Variants in TRPV4 observed in about 807,000 individuals in gnomAD.
The protein encoded by TRPV4 is transient receptor potential cation channel subfamily V member 4, also known as OSM9-like transient receptor potential channel 4.
Under a neutral mutation model 84.1 loss-of-function variants are expected in TRPV4, and 58 were observed. The observed-to-expected ratio is 0.69, with a 90% CI of 0.56 to 0.86. The LOEUF is 0.86. Ranked by LOEUF, TRPV4 falls within the 40% of genes least tolerant of loss-of-function variation. The pLI, the probability that TRPV4 is intolerant of heterozygous loss-of-function variation, is 0.00. For missense variants in TRPV4, 879 were observed against 1,181.1 expected (o/e 0.74, Z 3.75); for synonymous variants, 489 against 500.9 (o/e 0.98, Z 0.32).
intron 1 of TRPV4, among the ~76,000 whole-genome samples, chr12:109,827,166 TTACGGAGCACCTGCTATG>T (rs1565889537): frequency 6.6e-6 from 1 of 152,194 alleles, no homozygotes; most frequent in Non-Finnish European, 1.5e-5. Context: ...AACAGACAGC[TTACGGAGCACCTGCTATG>T]TGTGGGGTTT....
chr12:109,809,315 A>G (rs374358194), intron 2 of TRPV4, among the ~76,000 whole-genome samples: 72 of 121,052 alleles, frequency 5.9e-4, no homozygotes, highest in African/African-American at 2.2e-3. Flanking sequence ...CCATCCATCC[A>G]TCCCTCATCC....
At chr12:109,827,482 C>T (rs1892286022) in intron 1 of TRPV4, among the ~76,000 whole-genome samples, 1 of 152,014 alleles carries the variant, frequency 6.6e-6, no homozygotes. Context: ...GGTCAGTCAA[C>T]CCCATGCCCC....
At position 109,798,954 on chromosome 12, in the gene TRPV4, C is replaced by G; in HGVS notation, c.854-42G>C. On this transcript the variant is annotated intron_variant, in intron 5 of 15. Transcript: ENST00000261740. The surrounding 1 kb of genome is among the most constrained non-coding windows in gnomAD (Gnocchi z 5.0). ...AGGGTGGGAGGTCAGCGAAGGGGGC[C>G]CAGGGTGGGACTCTGCCTGCAGACA... is the stretch of plus-strand genomic sequence containing the variant. 6.3e-7 allele frequency: 1 copy of G among 1,579,630 alleles called. No homozygotes were observed. The highest frequency in any genetic ancestry group is 1.1e-5 in the South Asian group (1 of 87,756).
intron 1 of TRPV4, among the ~76,000 whole-genome samples, chr12:109,826,868 A>G (rs948022073): frequency 1.3e-5 from 2 of 152,206 alleles, no homozygotes; most frequent in African/African-American, 4.8e-5. Context: ...TGTGGGTATC[A>G]GAGTCTCACA....
intron 12 of TRPV4, 142 bp from the exon 13 acceptor site, chr12:109,788,858 A>T: frequency 1.1e-6 from 1 of 936,266 alleles, no homozygotes; most frequent in Admixed American, 2.1e-5. Flanking sequence ...ATGTCACCCT[A>T]CACATCAGCC....
chr12:109,812,887 T>C (rs773852182), intron 2 of TRPV4, among the ~76,000 whole-genome samples: 6 of 152,150 alleles, frequency 3.9e-5, no homozygotes, highest in Non-Finnish European at 7.3e-5. Context: ...AGTAGATAGA[T>C]ATTTTAATGA....
rs144279220 is a variant in TRPV4 at position 109,808,664 on chromosome 12, T to C, written c.387-196A>G. Among the ~76,000 whole-genome samples, 1,212 of 152,266 alleles carry C rather than the reference T, an allele frequency of 8.0e-3. 23 individuals carry two copies. Among genetic ancestry groups the C allele is most frequent in the African/African-American group, 0.027 (1,139 of 41,514 alleles). ...CAAACTATAGCTAGTACCTACTGTG[T>C]GTTGGGTGGAGACAAACAGAAAGAA... On this transcript the variant is annotated intron_variant, in intron 2 of 15. Transcript: ENST00000261740.
chr12:109,805,545 ACT>A (rs1007451488), intron 3 of TRPV4, among the ~76,000 whole-genome samples: 2 of 151,860 alleles, frequency 1.3e-5, no homozygotes, highest in African/African-American at 2.4e-5. Context: ...AGGTTGTGAA[ACT>A]CTGCGGAGGG....
chr12:109,816,982 G>T (rs1592866704), intron 1 of TRPV4, among the ~76,000 whole-genome samples: 1 of 152,184 alleles, frequency 6.6e-6, no homozygotes, highest in East Asian at 1.9e-4. Flanking sequence ...CTGCCCCGTG[G>T]TTTTCCCACC....
Position 109,798,254 on chromosome 12 carries a change from G to C in TRPV4, c.1152+360C>G, listed in dbSNP as rs550669166. On this transcript the variant is annotated intron_variant, in intron 6 of 15. Transcript: ENST00000261740. This position sits in a 1 kb window ranked among gnomAD's most constrained non-coding sequence, Gnocchi z 5.0. Reference sequence around the variant, plus strand: ...CCCTTCTCCAGGCCCCATGCTGCGCGGCCCAGAAAAGGGAAGGAACTGGGG... The same window carrying C: ...CCCTTCTCCAGGCCCCATGCTGCGCCGCCCAGAAAAGGGAAGGAACTGGGG... 6.6e-6 allele frequency among the ~76,000 whole-genome samples: 1 copy of C among 152,164 alleles called. No homozygotes were observed. The highest frequency in any genetic ancestry group is 1.9e-4 in the East Asian group (1 of 5,194).
intron 1 of TRPV4, among the ~76,000 whole-genome samples, chr12:109,832,936 C>G (rs1274590425): frequency 6.6e-6 from 1 of 152,140 alleles, no homozygotes; most frequent in Non-Finnish European, 1.5e-5. Context: ...CCTTTGGAAG[C>G]TCCAGACTCC....
At chr12:109,785,058 A>G (rs559230695) in intron 14 of TRPV4, among the ~76,000 whole-genome samples, 1 of 152,102 alleles carries the variant, frequency 6.6e-6, no homozygotes, top group African/African-American at 2.4e-5. Context: ...GTCTCACTCC[A>G]TTGCCCAGGC....
At chr12:109,792,542 C>T in intron 11 of TRPV4, 110 bp downstream of exon 11, 1 of 1,572,180 alleles carries the variant, frequency 6.4e-7, no homozygotes, top group South Asian at 1.1e-5. Context: ...ATGCCTCCTG[C>T]CCCCACGGTA....
intron 1 of TRPV4, among the ~76,000 whole-genome samples, chr12:109,832,161 G>C (rs1448059442): frequency 2.6e-5 from 4 of 152,134 alleles, no homozygotes; most frequent in Non-Finnish European, 5.9e-5. Flanking sequence ...AAGGGACCAG[G>C]CCAAGGTCAC....
intron 1 of TRPV4, among the ~76,000 whole-genome samples, chr12:109,827,760 A>G (rs1343484373): frequency 2.0e-5 from 3 of 146,788 alleles, no homozygotes; most frequent in African/African-American, 7.3e-5. Context: ...ACATATACAC[A>G]CATACACACA....
At position 109,793,542 on chromosome 12, in the gene TRPV4, G is replaced by C; in HGVS notation, c.1643C>G (p.Ser548Cys). 1 of 1,614,028 alleles carries C rather than the reference G, an allele frequency of 6.2e-7. No individual in the cohort carries two copies. Among genetic ancestry groups the C allele is most frequent in the Non-Finnish European group, 8.5e-7 (1 of 1,179,982 alleles). ...CTCTACTCACTAGAGCAGCTGGAAG[G>C]AGCCATCAATGAAGAGAGAATTCAC... ...PGVNSLFIDG[S>C]FQLLYFIYSV... Residue 548 changes from serine (S) to cysteine (C), a missense_variant, in exon 10 of 16, where the codon TCC (serine) becomes TGC (cysteine). Transcript: ENST00000261740. This position sits in a 1 kb window ranked among gnomAD's most constrained non-coding sequence, Gnocchi z 4.0.
chr12:109,793,568 T>C lies in TRPV4; in HGVS notation c.1617A>G (p.Gly539=), dbSNP rs771645140. 5 of 1,613,802 alleles carry C rather than the reference T, an allele frequency of 3.1e-6. No homozygotes were observed. The South Asian group carries it at 5.5e-5, about 18-fold the overall frequency. The change falls in exon 10 of 16, where the codon GGA becomes GGG. Residue 539 remains glycine, a synonymous_variant. Coordinates refer to ENST00000261740, the MANE Select transcript of TRPV4 (RefSeq NM_021625.5). The surrounding 1 kb of genome is among the most constrained non-coding windows in gnomAD (Gnocchi z 4.0). ...AGCCATCAATGAAGAGAGAATTCAC[T>C]CCAGGGCATTTCTTCATGAACAAGT... is the stretch of plus-strand genomic sequence containing the variant. ...IKDLFMKKCP[G]VNSLFIDGSF...
At chr12:109,822,228 G>C (rs1033026314) in intron 1 of TRPV4, among the ~76,000 whole-genome samples, 7 of 151,848 alleles carry the variant, frequency 4.6e-5, no homozygotes, top group African/African-American at 1.7e-4. Flanking sequence ...GTGGGGGTTG[G>C]AATCCATGGG....
intron 1 of TRPV4, among the ~76,000 whole-genome samples, chr12:109,827,813 C>T (rs1349327770): frequency 2.0e-5 from 3 of 151,552 alleles, no homozygotes; most frequent in Non-Finnish European, 2.9e-5. Context: ...CATACATATA[C>T]ACACATACAC....
Sources: allele counts gnomAD v4.1 joint callset (sites outside exome capture counted in the v4.1 genomes callset), GRCh38; gene constraint gnomAD v4.1.1; non-coding constraint Gnocchi (gnomAD v3.1); transcripts MANE v1.5; gene names NCBI Gene and HGNC (gene_info 2026-07-23, HGNC 2026-07-21).